The following STT3B variants were observed in gnomAD, a reference collection of about 807,000 sequenced individuals.
The protein encoded by STT3B is STT3 oligosaccharyltransferase complex catalytic subunit B, also known as dolichyl-diphosphooligosaccharide--protein glycosyltransferase subunit STT3B.
In STT3B, 29 loss-of-function variants were observed where a neutral mutation model predicts 96.8. That is an observed-to-expected ratio of 0.30 (90% CI 0.22 to 0.41). The LOEUF (loss-of-function observed/expected upper bound fraction) is 0.41, where lower values mean the gene tolerates loss of function less well. Among genes scored for constraint, STT3B ranks in the 10% least tolerant of loss-of-function variants. The pLI, the probability that STT3B is intolerant of heterozygous loss-of-function variation, is 1.00. For missense variants in STT3B, 640 were observed against 1,022.3 expected (o/e 0.63, Z 5.10); for synonymous variants, 367 against 360.0 (o/e 1.02, Z -0.22).
chr3:31,619,439 TCTC>T (rs1413521482), intron 8 of STT3B, among the ~76,000 whole-genome samples: 1 of 152,154 alleles, frequency 6.6e-6, no homozygotes, highest in Non-Finnish European at 1.5e-5. Flanking sequence ...GAGCCAACAT[TCTC>T]ATGTCTGGAT....
chr3:31,579,738 A>G (rs1698342399), intron 2 of STT3B, 71 bp from the exon 3 acceptor site: 1 of 1,213,788 alleles, frequency 8.2e-7, no homozygotes, highest in Non-Finnish European at 1.1e-6. Flanking sequence ...TGTAATGATG[A>G]AGAGTACATA....
chr3:31,637,198 C>G lies in STT3B; in HGVS notation c.*1134C>G, dbSNP rs1372427834. The G allele has an allele frequency of 6.6e-6, 1 of 152,144 alleles. No homozygotes were observed. Among genetic ancestry groups the G allele is most frequent in the East Asian group, 1.9e-4 (1 of 5,206 alleles). The allele number at this position is 152,144 out of a possible 1,614,324, so 9.4% of individuals were successfully genotyped here. A position where few individuals can be genotyped will look rare whatever the true frequency, so the allele number is the denominator to read the frequency against. On this transcript the variant is annotated 3_prime_UTR_variant, in exon 16 of 16. Transcript: ENST00000295770. Reference sequence around the variant, plus strand: ...CAGCTTATAGGCAACTTTATACAGACTTGAACATTTTCTCCAGTTGTTTAG... The same window carrying G: ...CAGCTTATAGGCAACTTTATACAGAGTTGAACATTTTCTCCAGTTGTTTAG...
At chr3:31,616,408 A>G (rs1575442959) in intron 6 of STT3B, among the ~76,000 whole-genome samples, 2 of 152,048 alleles carry the variant, frequency 1.3e-5, no homozygotes, top group South Asian at 4.1e-4. Flanking sequence ...TCAAATGCCA[A>G]GATGCCATAA....
At chr3:31,546,895 TAAAAG>T (rs1697426939) in intron 1 of STT3B, among the ~76,000 whole-genome samples, 1 of 152,206 alleles carries the variant, frequency 6.6e-6, no homozygotes, top group Non-Finnish European at 1.5e-5. Context: ...CTTAGTATGT[TAAAAG>T]GAAAGGCCTT....
chr3:31,623,539 ATC>A (rs1466524456), intron 10 of STT3B, 133 bp from the exon 11 acceptor site: 1 of 666,052 alleles, frequency 1.5e-6, no homozygotes, highest in Non-Finnish European at 2.5e-6. Context: ...ACATAAGAAT[ATC>A]TGATGGTTAT....
At position 31,607,701 on chromosome 3, in the gene STT3B, G is replaced by A. The variant is rs536150091; in HGVS notation, c.877+7242G>A. Among the ~76,000 whole-genome samples, 12 of 152,178 alleles carry A rather than the reference G, an allele frequency of 7.9e-5. 1 individual carries two copies. In the South Asian group the frequency reaches 2.5e-3, roughly 32 times the overall value. On this transcript the variant is annotated intron_variant, in intron 5 of 15. Transcript: ENST00000295770. ...ATAGTTGAAAAAGTCAAATACTACA[G>A]GGTTTATAGCAAATAAAACGTTGAT...
chr3:31,622,476 T>A (rs990614860), intron 10 of STT3B, among the ~76,000 whole-genome samples, 168 bp downstream of exon 10: 1 of 152,228 alleles, frequency 6.6e-6, no homozygotes, highest in Non-Finnish European at 1.5e-5. Context: ...TCCTGGTCAG[T>A]CCTTTAGCTC....
chr3:31,602,960 A>G (rs1698964584), intron 5 of STT3B, among the ~76,000 whole-genome samples: 1 of 152,154 alleles, frequency 6.6e-6, no homozygotes, highest in South Asian at 2.1e-4. Context: ...AGAGTGTGTC[A>G]GGATTTAAGT....
chr3:31,560,331 G>A (rs9859670), intron 1 of STT3B, among the ~76,000 whole-genome samples: 140,014 of 152,098 alleles, frequency 0.92, 64,619 homozygotes, highest in East Asian at 0.96. Flanking sequence ...TTTTCTTTGT[G>A]TGTGTGTTGC....
rs1192895901 is a variant in STT3B, at chr3:31,541,574, T to G, written c.314+8262T>G. Among the ~76,000 whole-genome samples the G allele has an allele frequency of 2.0e-5, 3 of 151,788 alleles. No homozygotes were observed. The East Asian group carries it at 5.8e-4, about 29-fold the overall frequency. On this transcript the variant is annotated intron_variant, in intron 1 of 15. Coordinates refer to ENST00000295770, the MANE Select transcript of STT3B (RefSeq NM_178862.3). Reference sequence around the variant, plus strand: ...TAAGTAATAAAGTTCAGCAATAATTTTTTTGTTTGTTTGTTTGTTTTAGAT... The same window carrying G: ...TAAGTAATAAAGTTCAGCAATAATTGTTTTGTTTGTTTGTTTGTTTTAGAT...
Position 31,580,108 on chromosome 3 carries a change from T to C in STT3B, c.711+12T>C. On this transcript the variant is annotated intron_variant, in intron 3 of 15. Coordinates refer to ENST00000295770, the MANE Select transcript of STT3B (RefSeq NM_178862.3). The stretch of plus-strand genomic sequence containing the variant: ...CATACTATTTATGGGTAAGTGACAT[T>C]TAATGTTTTGCTGCCATTATTACTC... 6.2e-7 allele frequency: 1 copy of C among 1,602,816 alleles called. No individual in the cohort carries two copies. The highest frequency in any genetic ancestry group is 8.5e-7 in the Non-Finnish European group (1 of 1,171,576).
chr3:31,595,982 C>G (rs1264602934), intron 3 of STT3B, among the ~76,000 whole-genome samples: 1 of 152,206 alleles, frequency 6.6e-6, no homozygotes, highest in Non-Finnish European at 1.5e-5. Flanking sequence ...CGTAGAGTCT[C>G]TTTTATATTG....
At chr3:31,576,994 C>T (rs1698278940) in intron 2 of STT3B, among the ~76,000 whole-genome samples, 1 of 151,918 alleles carries the variant, frequency 6.6e-6, no homozygotes, top group South Asian at 2.1e-4. Flanking sequence ...AGAAAGATGA[C>T]ACAAAGGCAA....
chr3:31,623,657 T>A lies in STT3B; in HGVS notation c.1540-17T>A. On this transcript the variant is annotated splice_polypyrimidine_tract_variant and intron_variant, in intron 10 of 15. Coordinates refer to ENST00000295770, the MANE Select transcript of STT3B (RefSeq NM_178862.3). ...CAAATAATGAATTTGTCTAACCAAT[T>A]TTTTTAATATCTTTAGGCAGGTAAA... The A allele has an allele frequency of 6.4e-7, 1 of 1,568,406 alleles. No individual in the cohort carries two copies. The highest frequency in any genetic ancestry group is 8.7e-7 in the Non-Finnish European group (1 of 1,154,132).
chr3:31,624,122 T>G (rs1280990133), intron 11 of STT3B, among the ~76,000 whole-genome samples: 1 of 152,158 alleles, frequency 6.6e-6, no homozygotes, highest in Non-Finnish European at 1.5e-5. Context: ...TCCTTTCAGT[T>G]ACAAACGATC....
intron 1 of STT3B, among the ~76,000 whole-genome samples, chr3:31,559,372 C>G (rs901346572): frequency 6.7e-6 from 1 of 148,588 alleles, no homozygotes; most frequent in Non-Finnish European, 1.5e-5. Flanking sequence ...TTTGCTGTTT[C>G]TTATAGGTTT....
At chr3:31,619,543 C>T (rs1699383331) in intron 8 of STT3B, 133 bp from the exon 9 acceptor site, 1 of 711,406 alleles carries the variant, frequency 1.4e-6, no homozygotes, top group Non-Finnish European at 2.3e-6. Flanking sequence ...AACTGGTTAC[C>T]TTGGAAGGTA....
In STT3B at chr3:31,637,235, G is replaced by A. The variant is rs1699768841; in HGVS notation, c.*1171G>A. ...CTCCAGTTGTTTAGTAAAAGTGAAA[G>A]AGAAAGGGTTTTTCCTGCCACAGGA... On this transcript the variant is annotated 3_prime_UTR_variant, in exon 16 of 16. Transcript: ENST00000295770. The A allele has an allele frequency of 6.6e-6, 1 of 152,154 alleles. No individual in the cohort carries two copies. The highest frequency in any genetic ancestry group is 1.5e-5 in the Non-Finnish European group (1 of 68,010). 9.4% of individuals were successfully genotyped at this position (152,154 alleles called of 1,614,324 possible). A position where few individuals can be genotyped will look rare whatever the true frequency, so the allele number is the denominator to read the frequency against.
At chr3:31,572,063 T>A (rs1164532762) in intron 1 of STT3B, among the ~76,000 whole-genome samples, 1 of 135,440 alleles carries the variant, frequency 7.4e-6, no homozygotes, top group Non-Finnish European at 1.6e-5. Context: ...CATATATTAA[T>A]ATATTAAATA....
Sources: allele counts gnomAD v4.1 joint callset (sites outside exome capture counted in the v4.1 genomes callset), GRCh38; gene constraint gnomAD v4.1.1; transcripts MANE v1.5; gene names NCBI Gene and HGNC (gene_info 2026-07-23, HGNC 2026-07-21).